The following CPSF3 variants were observed in gnomAD, a reference collection of about 807,000 sequenced individuals.
CPSF3 encodes cleavage and polyadenylation specific factor 3.
Under a neutral mutation model 84.1 loss-of-function variants are expected in CPSF3, and 57 were observed. The observed-to-expected ratio is 0.68, with a 90% CI of 0.55 to 0.85. The LOEUF (loss-of-function observed/expected upper bound fraction) is 0.85. Ranked by LOEUF, CPSF3 falls within the 40% of genes least tolerant of loss-of-function variation. The pLI is 0.00. For synonymous variants in CPSF3, 275 were observed against 278.1 expected (o/e 0.99, Z 0.11); for missense variants, 522 against 838.8 (o/e 0.62, Z 4.66).
chr2:9,468,876 T>C (rs569053984), intron 16 of CPSF3, among the ~76,000 whole-genome samples: 2 of 151,476 alleles, frequency 1.3e-5, no homozygotes, highest in African/African-American at 4.8e-5. Flanking sequence ...GCCACCTGCC[T>C]TGGTCTCCCA....
chr2:9,464,067 G>A (rs1410886131), intron 15 of CPSF3, among the ~76,000 whole-genome samples: 1 of 149,318 alleles, frequency 6.7e-6, no homozygotes, highest in African/African-American at 2.6e-5. Flanking sequence ...TATCTGTGGT[G>A]TATGTGTGTG....
At chr2:9,430,352 C>T (rs756286081) in intron 3 of CPSF3, among the ~76,000 whole-genome samples, 13 of 152,264 alleles carry the variant, frequency 8.5e-5, no homozygotes, top group African/African-American at 2.2e-4. Flanking sequence ...TCTATAAGAA[C>T]GCCATTTCAC....
rs16867031 is a variant in CPSF3 at position 9,459,435 on chromosome 2, A to G, written c.1699-96A>G. 8,795 of 770,122 alleles carry G rather than the reference A, an allele frequency of 0.011. 530 individuals are homozygous for G. The African/African-American group carries it at 0.13, about 12-fold the overall frequency. The allele number at this position is 770,122 out of a possible 1,614,324, so 47.7% of individuals were successfully genotyped here. The stretch of plus-strand genomic sequence containing the variant: ...TGAAAATGCTAGAAGCAGTAGTTCC[A>G]TATGTACAGTCCATGGTTTGGTGGG... On this transcript the variant is annotated intron_variant, in intron 14 of 17. Transcript: ENST00000238112.
rs1680557377 is a variant in CPSF3, at chr2:9,430,751, G to C, written c.213-1G>C. 10 of 1,599,138 alleles carry C rather than the reference G, an allele frequency of 6.3e-6. No homozygotes were observed. Among genetic ancestry groups the C allele is most frequent in the African/African-American group, 1.4e-5 (1 of 73,826 alleles). Reference sequence around the variant, plus strand: ...ATTAATGCAGCCTCTTTCTTTTTAAGTTTCCATTTGGATCACTGTGGAGCT... The same window carrying C: ...ATTAATGCAGCCTCTTTCTTTTTAACTTTCCATTTGGATCACTGTGGAGCT... On this transcript the variant is annotated splice_acceptor_variant, in intron 3 of 17. Transcript: ENST00000238112. LOFTEE classifies it high-confidence loss of function.
At position 9,428,750 on chromosome 2, in the gene CPSF3, C is replaced by T; in HGVS notation, c.51-15C>T. On this transcript the variant is annotated splice_polypyrimidine_tract_variant and intron_variant, in intron 1 of 17. Transcript: ENST00000238112. ...TTTTTTTAATCCTTCTTTTTCTCCC[C>T]TTGAATATTTACAGTGGAGCTGGGC... The T allele has an allele frequency of 6.3e-7, 1 of 1,585,008 alleles. No individual in the cohort carries two copies. The highest frequency in any genetic ancestry group is 2.2e-5 in the East Asian group (1 of 44,676).
intron 9 of CPSF3, among the ~76,000 whole-genome samples, chr2:9,442,949 G>T (rs977218982): frequency 1.3e-5 from 2 of 152,086 alleles, no homozygotes; most frequent in Admixed American, 6.5e-5. Context: ...GATCACTTGA[G>T]CTCAGGAGTT....
Position 9,440,566 on chromosome 2 carries a change from T to C in CPSF3, c.836T>C (p.Met279Thr). ...GCATCATCTTTGGCCAAGAAGTGTA[T>C]GGCAGTGTACCAGACATATGTAAAT... ...YYASSLAKKCMAVYQTYVNAM... is the reference protein window; with the variant it reads ...YYASSLAKKCTAVYQTYVNAM... Residue 279 changes from methionine (M) to threonine (T), a missense_variant, in exon 8 of 18, where the codon ATG (methionine) becomes ACG (threonine). Met to Thr is a moderately conservative substitution (Grantham distance 81). Transcript: ENST00000238112. 6.2e-7 allele frequency: 1 copy of C among 1,614,184 alleles called. No homozygotes were observed. Among genetic ancestry groups the C allele is most frequent in the East Asian group, 2.2e-5 (1 of 44,886 alleles).
At position 9,429,931 on chromosome 2, in the gene CPSF3, T is replaced by C; in HGVS notation, c.123T>C (p.Cys41=). 1.3e-6 allele frequency: 2 copies of C among 1,595,422 alleles called. No individual in the cohort carries two copies. The highest frequency in any genetic ancestry group is 4.6e-5 in the East Asian group (2 of 43,940). ...EFKGRKIMLD[C]GIHPGLEGMD... ...TTTCCTGTTTCTTTCAGCTCGACTG[T>C]GGGATCCACCCTGGCCTAGAAGGAA... Residue 41 remains cysteine, a synonymous_variant, in exon 3 of 18, where the codon TGT becomes TGC. Coordinates refer to ENST00000238112, the MANE Select transcript of CPSF3 (RefSeq NM_016207.4).
intron 15 of CPSF3, among the ~76,000 whole-genome samples, chr2:9,466,319 C>G (rs377187511): frequency 6.7e-5 from 7 of 104,176 alleles, no homozygotes; most frequent in Admixed American, 1.7e-4. Flanking sequence ...CACTGACGCA[C>G]GCACACAGAC....
chr2:9,455,010 A>G (rs983786300), intron 12 of CPSF3, among the ~76,000 whole-genome samples: 5 of 152,138 alleles, frequency 3.3e-5, no homozygotes, highest in Admixed American at 6.5e-5. Context: ...AGCTTTGTAA[A>G]TTAGGTAGCC....
At chr2:9,447,441 TG>T (rs973512998) in intron 10 of CPSF3, among the ~76,000 whole-genome samples, 1 of 151,862 alleles carries the variant, frequency 6.6e-6, no homozygotes, top group Non-Finnish European at 1.5e-5. Flanking sequence ...ATCACATCAC[TG>T]GACTCCAGCC....
At chr2:9,439,645 A>C (rs989688095) in intron 7 of CPSF3, among the ~76,000 whole-genome samples, 1 of 152,156 alleles carries the variant, frequency 6.6e-6, no homozygotes, top group Non-Finnish European at 1.5e-5. Context: ...TTGACGGTAT[A>C]TTACCCACTG....
intron 6 of CPSF3, 119 bp downstream of exon 6, chr2:9,434,079 T>TA (rs1680691050): frequency 3.2e-6 from 2 of 626,042 alleles, no homozygotes; most frequent in Non-Finnish European, 5.4e-6. Flanking sequence ...TTACCTTTTT[T>TA]AAAATATAAG....
At chr2:9,466,250 G>A (rs56111991) in intron 15 of CPSF3, among the ~76,000 whole-genome samples, 1,279 of 95,802 alleles carry the variant, frequency 0.013, 14 homozygotes, top group African/African-American at 0.036. Context: ...GCACGCACGC[G>A]CACACACGCA....
In CPSF3 at chr2:9,423,730, C is replaced by G. The variant is rs147828498; in HGVS notation, c.-44C>G. On this transcript the variant is annotated 5_prime_UTR_variant, in exon 1 of 18. Coordinates refer to ENST00000238112, the MANE Select transcript of CPSF3 (RefSeq NM_016207.4). ...CTGTGCTTCCAATTTAGGAAGACCC[C>G]GGCGACCTGTTCCTCACCCCCGCTT... The G allele has an allele frequency of 5.7e-5, 92 of 1,605,508 alleles. No individual in the cohort carries two copies. In the East Asian group the frequency reaches 2.0e-3, roughly 35 times the overall value.
rs146427957 is a variant in CPSF3, at chr2:9,459,310, T to C, written c.1699-221T>C. Among the ~76,000 whole-genome samples, 63 of 151,504 alleles carry C rather than the reference T, an allele frequency of 4.2e-4. No individual in the cohort carries two copies. The East Asian group carries it at 0.012, about 28-fold the overall frequency. On this transcript the variant is annotated intron_variant, in intron 14 of 17. Coordinates refer to ENST00000238112, the MANE Select transcript of CPSF3 (RefSeq NM_016207.4). ...AAATGATAATGCCTATAAAACACTG[T>C]GTCGAAAGGAAGTGCTCAGTACCAT...
Position 9,432,644 on chromosome 2 carries a change from G to A in CPSF3, c.475G>A (p.Val159Ile), listed in dbSNP as rs771696870. 7.6e-6 allele frequency: 12 copies of A among 1,568,752 alleles called. No homozygotes were observed. The highest frequency in any genetic ancestry group is 3.5e-5 in the South Asian group (3 of 85,516). The change falls in exon 5 of 18, where the codon GTC (valine) becomes ATC (isoleucine). Residue 159 changes from valine (V) to isoleucine (I), a missense_variant. Physicochemically the swap from Val to Ile is conservative, Grantham distance 29. Coordinates refer to ENST00000238112, the MANE Select transcript of CPSF3 (RefSeq NM_016207.4). ...IKFWCYHAGH[V>I]LGAAMFMIEI... is the part of the protein sequence containing the mutation. ...GTTTTGGTGTTACCATGCAGGTCACGTCCTAGGAGCCGCCATGTTCATGAT... is the reference window on the plus strand; with the variant it reads ...GTTTTGGTGTTACCATGCAGGTCACATCCTAGGAGCCGCCATGTTCATGAT...
intron 10 of CPSF3, among the ~76,000 whole-genome samples, chr2:9,444,823 G>C (rs111626571): frequency 6.6e-6 from 1 of 151,892 alleles, no homozygotes; most frequent in Non-Finnish European, 1.5e-5. Flanking sequence ...GTGCCACCAC[G>C]CCCAGCTAAT....
At chr2:9,442,624 G>A (rs1680992627) in intron 9 of CPSF3, among the ~76,000 whole-genome samples, 1 of 152,282 alleles carries the variant, frequency 6.6e-6, no homozygotes, top group South Asian at 2.1e-4. Flanking sequence ...GCCAAGGCGG[G>A]CGGATCACCT....
Sources: gnomAD v4.1 joint callset for allele counts (sites outside exome capture counted in the v4.1 genomes callset) on GRCh38, gnomAD v4.1.1 for gene constraint, MANE v1.5 for transcripts, NCBI Gene and HGNC (gene_info 2026-07-23, HGNC 2026-07-21) for gene names.